BCAS4: variants seen among roughly 807,000 people sequenced by gnomAD.
BCAS4 encodes breast carcinoma amplified sequence 4, also known as breast carcinoma-amplified sequence 4.
BCAS4 carries 9 observed loss-of-function variants against 15.7 expected under a neutral mutation model. That is an observed-to-expected ratio of 0.57 (90% CI 0.34 to 1.00). The LOEUF is 1.00. Among genes scored for constraint, BCAS4 ranks in the 50% least tolerant of loss-of-function variants. BCAS4 has a pLI of 0.02. For missense variants in BCAS4, 225 were observed against 239.1 expected (o/e 0.94, Z 0.39); for synonymous variants, 101 against 99.5 (o/e 1.02, Z -0.09).
At chr20:50,813,238 G>C (rs762677601) in intron 1 of BCAS4, among the ~76,000 whole-genome samples, 1 of 152,204 alleles carries the variant, frequency 6.6e-6, no homozygotes, top group African/African-American at 2.4e-5. Context: ...CCAGCAGTGC[G>C]TGAGGCTTCC....
At chr20:50,833,072 G>A (rs1469922390) in intron 3 of BCAS4, 1 of 152,346 alleles carries the variant, frequency 6.6e-6, no homozygotes, top group African/African-American at 2.4e-5. Context: ...CAGGACCTTG[G>A]AGAATGAGTG....
At chr20:50,853,713 G>A (rs1600889990) in intron 4 of BCAS4, among the ~76,000 whole-genome samples, 1 of 90,512 alleles carries the variant, frequency 1.1e-5, no homozygotes, top group Non-Finnish European at 2.2e-5. Context: ...GGTGTTTTGT[G>A]TACTGGGGGG....
intron 4 of BCAS4, among the ~76,000 whole-genome samples, chr20:50,870,352 G>C (rs1979574452): frequency 2.0e-5 from 3 of 152,196 alleles, no homozygotes; most frequent in Non-Finnish European, 4.4e-5. Context: ...GGCAAACGGA[G>C]GCCCTGAGGT....
chr20:50,856,154 T>C (rs574105624), intron 4 of BCAS4, among the ~76,000 whole-genome samples: 2 of 152,198 alleles, frequency 1.3e-5, no homozygotes, highest in Non-Finnish European at 2.9e-5. Flanking sequence ...AATCAAGCAG[T>C]GTGCAGAGGT....
chr20:50,837,200 A>C (rs964442331), intron 3 of BCAS4, among the ~76,000 whole-genome samples: 1 of 152,198 alleles, frequency 6.6e-6, no homozygotes, highest in Admixed American at 6.5e-5. Flanking sequence ...GCAGTGGTAG[A>C]ACTGGGGTTT....
At chr20:50,880,512 G>C (rs906037195), downstream of BCAS4, 9 of 152,212 alleles carry the variant, frequency 5.9e-5, no homozygotes, top group African/African-American at 1.9e-4. Context: ...CAGAGACGGG[G>C]TTTTGCTATG....
chr20:50,840,562 TAAG>T, intron 3 of BCAS4: 1 of 1,528,322 alleles, frequency 6.5e-7, no homozygotes, highest in South Asian at 1.1e-5. Context: ...AGAAGTAAAA[TAAG>T]AAGGCAATGC....
At chr20:50,850,068 C>T (rs1432750891) in intron 4 of BCAS4, among the ~76,000 whole-genome samples, 1 of 152,192 alleles carries the variant, frequency 6.6e-6, no homozygotes, top group Non-Finnish European at 1.5e-5. Context: ...TCGTCCCCTC[C>T]ACTGTGGAGG....
In BCAS4 at chr20:50,851,160, T is replaced by C. The variant is rs1444662258; in HGVS notation, c.399+9260T>C. 6.6e-6 allele frequency among the ~76,000 whole-genome samples: 1 copy of C among 152,090 alleles called. No individual in the cohort carries two copies. Among genetic ancestry groups the C allele is most frequent in the Non-Finnish European group, 1.5e-5 (1 of 68,014 alleles). ...CCGACAGCTCAGCTTTATCTGGTGG[T>C]GGAGGCTGGGTAAGACACAAACAAG... is the stretch of plus-strand genomic sequence containing the variant. On this transcript the variant is annotated intron_variant, in intron 4 of 4. Transcript: ENST00000371608. This position sits in a 1 kb window ranked among gnomAD's most constrained non-coding sequence, Gnocchi z 4.3.
intron 4 of BCAS4, among the ~76,000 whole-genome samples, chr20:50,857,617 C>T (rs1353775009): frequency 2.0e-5 from 3 of 152,174 alleles, no homozygotes; most frequent in Non-Finnish European, 2.9e-5. Flanking sequence ...CAGTTTACTG[C>T]GCTGGATGAA....
At chr20:50,817,108 T>G (rs1464835037) in intron 1 of BCAS4, among the ~76,000 whole-genome samples, 3 of 151,868 alleles carry the variant, frequency 2.0e-5, no homozygotes, top group Non-Finnish European at 4.4e-5. Context: ...GGCTAATTTT[T>G]TTTTTTTTTT....
chr20:50,798,492 T>C (rs1034061689), intron 1 of BCAS4, among the ~76,000 whole-genome samples: 1 of 152,152 alleles, frequency 6.6e-6, no homozygotes, highest in Non-Finnish European at 1.5e-5. Context: ...CTGGGCAACA[T>C]AGTGAGGCCC....
At chr20:50,807,929 C>T (rs1441603565) in intron 1 of BCAS4, among the ~76,000 whole-genome samples, 2 of 131,898 alleles carry the variant, frequency 1.5e-5, no homozygotes, top group African/African-American at 2.9e-5. Context: ...TTTCTTCAGA[C>T]GGGAGTCTCG....
chr20:50,804,396 C>G (rs2087965654), intron 1 of BCAS4, among the ~76,000 whole-genome samples: 1 of 152,144 alleles, frequency 6.6e-6, no homozygotes, highest in African/African-American at 2.4e-5. Flanking sequence ...CAGGAGCTAC[C>G]TGATTATTTT....
intron 4 of BCAS4, among the ~76,000 whole-genome samples, chr20:50,843,758 CA>C (rs2088510605): frequency 6.6e-6 from 1 of 152,238 alleles, no homozygotes; most frequent in Admixed American, 6.5e-5. Flanking sequence ...CTTTGCTTTC[CA>C]AAGACAATGA....
chr20:50,869,889 C>T (rs987879287), intron 4 of BCAS4, among the ~76,000 whole-genome samples: 2 of 151,758 alleles, frequency 1.3e-5, no homozygotes, highest in Non-Finnish European at 2.9e-5. Context: ...GCTGGGATTA[C>T]AGGCACCCGC....
chr20:50,863,522 T>C (rs1979200948), intron 4 of BCAS4, among the ~76,000 whole-genome samples: 1 of 152,162 alleles, frequency 6.6e-6, no homozygotes, highest in Admixed American at 6.5e-5. Flanking sequence ...CCTCCTAAAG[T>C]GCTGGAATTA....
intron 4 of BCAS4, among the ~76,000 whole-genome samples, chr20:50,855,060 G>A (rs1284692233): frequency 1.3e-5 from 2 of 152,142 alleles, no homozygotes; most frequent in African/African-American, 2.4e-5. Flanking sequence ...GGCTAGCCAC[G>A]CCCACCTGGG....
At chr20:50,859,367 G>A (rs1056991295) in intron 4 of BCAS4, among the ~76,000 whole-genome samples, 4 of 152,214 alleles carry the variant, frequency 2.6e-5, no homozygotes, top group Non-Finnish European at 4.4e-5. Flanking sequence ...GACCCTTGGC[G>A]TGGAAGGAGT....
Sources: gnomAD v4.1 joint callset for allele counts (sites outside exome capture counted in the v4.1 genomes callset) on GRCh38, gnomAD v4.1.1 for gene constraint, Gnocchi (gnomAD v3.1) non-coding constraint, MANE v1.5 for transcripts, NCBI Gene and HGNC (gene_info 2026-07-23, HGNC 2026-07-21) for gene names.